Variants in RAB8B observed in about 807,000 individuals in gnomAD.
RAB8B encodes the protein ras-related protein Rab-8B.
RAB8B carries 11 observed loss-of-function variants against 32.0 expected under a neutral mutation model. The ratio of observed to expected loss-of-function variants is 0.34; its 90% CI spans 0.22 to 0.57. RAB8B has a LOEUF of 0.57. Ranked by LOEUF, RAB8B falls within the 20% of genes least tolerant of loss-of-function variation. The pLI is 0.86. For missense variants in RAB8B, 190 were observed against 258.5 expected (o/e 0.73, Z 1.82); for synonymous variants, 103 against 89.6 (o/e 1.15, Z -0.85).
At position 63,263,519 on chromosome 15, in the gene RAB8B, T is replaced by A. The variant is rs747866650; in HGVS notation, c.532-8T>A. On this transcript the variant is annotated splice_polypyrimidine_tract_variant and splice_region_variant and intron_variant, in intron 7 of 7. Transcript: ENST00000321437. ...ATTTCCTTGGTAACTTCATCTTCTATTTTTTAGAATGACAGCAATTCAGCA... is the reference window on the plus strand; with the variant it reads ...ATTTCCTTGGTAACTTCATCTTCTAATTTTTAGAATGACAGCAATTCAGCA... The A allele has an allele frequency of 6.4e-5, 102 of 1,591,652 alleles. No homozygotes were observed. In the African/African-American group the frequency reaches 1.4e-3, roughly 21 times the overall value.
intron 1 of RAB8B, among the ~76,000 whole-genome samples, chr15:63,220,314 T>G (rs779258523): frequency 3.3e-5 from 5 of 152,226 alleles, no homozygotes; most frequent in African/African-American, 4.8e-5. Context: ...CTACTTTATG[T>G]ATGCTTAGTA....
chr15:63,214,290 T>TC (rs1397888149), intron 1 of RAB8B, among the ~76,000 whole-genome samples: 1 of 137,616 alleles, frequency 7.3e-6, no homozygotes, highest in East Asian at 2.2e-4. Flanking sequence ...TTCTTTCTTT[T>TC]TTTTTTTTTT....
intron 1 of RAB8B, among the ~76,000 whole-genome samples, chr15:63,227,168 G>A (rs761889936): frequency 8.5e-5 from 13 of 152,174 alleles, no homozygotes; most frequent in Non-Finnish European, 1.8e-4. Flanking sequence ...TTAGCTATCT[G>A]GGAATGCAGC....
intron 1 of RAB8B, among the ~76,000 whole-genome samples, chr15:63,213,407 A>G (rs2037763571): frequency 6.6e-6 from 1 of 152,202 alleles, no homozygotes; most frequent in Admixed American, 6.5e-5. Context: ...TATAGTGCCA[A>G]ATGCTCAGAA....
rs1265053694 is a variant in RAB8B at position 63,189,629 on chromosome 15, C to T, written c.5C>T (p.Ala2Val). 1 of 1,613,496 alleles carries T rather than the reference C, an allele frequency of 6.2e-7. No homozygotes were observed. The highest frequency in any genetic ancestry group is 1.3e-5 in the African/African-American group (1 of 74,886). Residue 2 changes from alanine to valine, a missense_variant, in exon 1 of 8, where the codon GCG becomes GTG. Transcript: ENST00000321437. ...TCAGAGGGCCGGAGCGAGAAGATGG[C>T]GAAGACGTACGATTATCTCTTCAAG... M[A>V]KTYDYLFKLL...
intron 1 of RAB8B, among the ~76,000 whole-genome samples, chr15:63,190,013 G>T (rs1047152050): frequency 4.0e-5 from 6 of 150,862 alleles, no homozygotes; most frequent in Admixed American, 2.6e-4. Flanking sequence ...AGGACTAGGG[G>T]TATTGGGGGA....
chr15:63,189,792 G>C lies in RAB8B; in HGVS notation c.124+44G>C, dbSNP rs2037538263. Reference sequence around the variant, plus strand: ...CCCGGGACCGGGTAGAGAATTGGGGGGCGGGTACTAGGGGACGGGGAAAGG... The same window carrying C: ...CCCGGGACCGGGTAGAGAATTGGGGCGCGGGTACTAGGGGACGGGGAAAGG... On this transcript the variant is annotated intron_variant, in intron 1 of 7. Transcript: ENST00000321437. 3 of 1,159,122 alleles carry C rather than the reference G, an allele frequency of 2.6e-6. No individual in the cohort carries two copies. In the South Asian group the frequency reaches 3.7e-5, roughly 14 times the overall value. The allele number at this position is 1,159,122 out of a possible 1,614,324, so 71.8% of individuals were successfully genotyped here.
At chr15:63,217,466 C>G (rs930041524) in intron 1 of RAB8B, among the ~76,000 whole-genome samples, 1 of 152,140 alleles carries the variant, frequency 6.6e-6, no homozygotes, top group South Asian at 2.1e-4. Context: ...TTAACCAAGA[C>G]GATTGTTGGG....
At position 63,259,814 on chromosome 15, in the gene RAB8B, C is replaced by A; in HGVS notation, c.480+122C>A. ...ATGAATGCCTTTTGTTGACCCAACT[C>A]TACTTTGTACACTTTTGTGCTTCTG... is the stretch of plus-strand genomic sequence containing the variant. On this transcript the variant is annotated intron_variant, in intron 6 of 7. Coordinates refer to ENST00000321437, the MANE Select transcript of RAB8B (RefSeq NM_016530.3). This position sits in a 1 kb window ranked among gnomAD's most constrained non-coding sequence, Gnocchi z 4.4. 1 of 811,988 alleles carries A rather than the reference C, an allele frequency of 1.2e-6. No homozygotes were observed. The highest frequency in any genetic ancestry group is 2.0e-6 in the Non-Finnish European group (1 of 507,086). 50.3% of individuals were successfully genotyped at this position (811,988 alleles called of 1,614,324 possible).
At chr15:63,195,077 T>C (rs1433898413) in intron 1 of RAB8B, among the ~76,000 whole-genome samples, 1 of 152,218 alleles carries the variant, frequency 6.6e-6, no homozygotes, top group African/African-American at 2.4e-5. Context: ...GCAAGTTGAT[T>C]TTCATTTTCA....
At chr15:63,219,399 T>C (rs1306881308) in intron 1 of RAB8B, among the ~76,000 whole-genome samples, 1 of 151,400 alleles carries the variant, frequency 6.6e-6, no homozygotes, top group Non-Finnish European at 1.5e-5. Context: ...TCAATATGGG[T>C]TGCAACCCAT....
intron 5 of RAB8B, among the ~76,000 whole-genome samples, chr15:63,258,568 A>G (rs1177543512): frequency 6.6e-6 from 1 of 152,206 alleles, no homozygotes; most frequent in Non-Finnish European, 1.5e-5. Flanking sequence ...ACACACACAA[A>G]CAATGAAAGA....
At chr15:63,234,040 G>A (rs11858666) in intron 1 of RAB8B, among the ~76,000 whole-genome samples, 6 of 151,924 alleles carry the variant, frequency 3.9e-5, no homozygotes, top group African/African-American at 1.5e-4. Flanking sequence ...CAGTGGGAAC[G>A]AGGTATAGAA....
chr15:63,227,869 C>CTCTTT (rs926950289), intron 1 of RAB8B, among the ~76,000 whole-genome samples: 1 of 152,174 alleles, frequency 6.6e-6, no homozygotes, highest in East Asian at 1.9e-4. Context: ...AGTGAGCACC[C>CTCTTT]TCTTTTCTTT....
chr15:63,222,012 CCT>C (rs1410335325), intron 1 of RAB8B, among the ~76,000 whole-genome samples: 1 of 152,148 alleles, frequency 6.6e-6, no homozygotes. Flanking sequence ...TTCATTCTTC[CCT>C]GTTTCTCCAC....
At chr15:63,250,129 C>T (rs1027057140) in intron 3 of RAB8B, among the ~76,000 whole-genome samples, 2 of 152,132 alleles carry the variant, frequency 1.3e-5, no homozygotes, top group African/African-American at 4.8e-5. Context: ...GGCAACAGAG[C>T]GAGACTCCGT....
intron 1 of RAB8B, among the ~76,000 whole-genome samples, chr15:63,238,416 T>A (rs1433068753): frequency 6.6e-6 from 1 of 152,136 alleles, no homozygotes; most frequent in African/African-American, 2.4e-5. Context: ...ACAGAGATGT[T>A]GTGGCAGCTA....
At chr15:63,197,345 T>TC (rs1433111924) in intron 1 of RAB8B, among the ~76,000 whole-genome samples, 2 of 146,492 alleles carry the variant, frequency 1.4e-5, no homozygotes, top group African/African-American at 5.2e-5. Context: ...TTCTTTTTTT[T>TC]TTTCTTTCTT....
At chr15:63,258,748 A>G (rs913521906) in intron 5 of RAB8B, among the ~76,000 whole-genome samples, 7 of 152,198 alleles carry the variant, frequency 4.6e-5, no homozygotes, top group African/African-American at 1.2e-4. Flanking sequence ...GTAGTGGCCC[A>G]TGACCAGTTT....
Sources: allele counts gnomAD v4.1 joint callset (sites outside exome capture counted in the v4.1 genomes callset), GRCh38; gene constraint gnomAD v4.1.1; non-coding constraint Gnocchi (gnomAD v3.1); transcripts MANE v1.5; gene names NCBI Gene and HGNC (gene_info 2026-07-23, HGNC 2026-07-21).